The following SPEF2 variants were observed in gnomAD, a reference collection of about 807,000 sequenced individuals.
SPEF2 encodes the protein sperm flagella and cilia-associated protein 2.
A neutral mutation model predicts 224.6 loss-of-function variants in SPEF2; 187 were observed. The observed-to-expected ratio is 0.83, with a 90% CI of 0.74 to 0.94. The LOEUF (loss-of-function observed/expected upper bound fraction) is 0.94, where lower values mean the gene tolerates loss of function less well. Ranked by LOEUF, SPEF2 falls within the 40% of genes least tolerant of loss-of-function variation. The pLI is 0.00. For missense variants in SPEF2, 2,170 were observed against 2,135.6 expected (o/e 1.02, Z -0.32); for synonymous variants, 715 against 707.3 (o/e 1.01, Z -0.17).
At chr5:35,623,963 G>C (rs1743859777) in intron 1 of SPEF2, among the ~76,000 whole-genome samples, 1 of 152,174 alleles carries the variant, frequency 6.6e-6, no homozygotes, top group Non-Finnish European at 1.5e-5. Flanking sequence ...CATTTTTACA[G>C]ATGAGAAACT....
At chr5:35,737,050 C>G (rs188942791) in intron 21 of SPEF2, among the ~76,000 whole-genome samples, 2 of 152,282 alleles carry the variant, frequency 1.3e-5, no homozygotes, top group African/African-American at 2.4e-5. Context: ...ACTGATAAAG[C>G]TACATGTCAT....
At chr5:35,705,592 A>T in intron 17 of SPEF2, 59 bp from the exon 18 acceptor site, 1 of 1,267,802 alleles carries the variant, frequency 7.9e-7, no homozygotes, top group Non-Finnish European at 1.1e-6. Context: ...ATTTATGCTT[A>T]ATGTCATTCT....
At chr5:35,784,936 GGTT>G (rs938240552) in intron 30 of SPEF2, among the ~76,000 whole-genome samples, 20 of 152,168 alleles carry the variant, frequency 1.3e-4, no homozygotes, top group African/African-American at 4.8e-4. Flanking sequence ...GCACCTGAGT[GGTT>G]GGTTGCCTGA....
intron 36 of SPEF2, among the ~76,000 whole-genome samples, chr5:35,810,459 C>T (rs1961426): frequency 0.43 from 65,918 of 151,970 alleles, 15,963 homozygotes; most frequent in African/African-American, 0.66. Context: ...GCGATCCACC[C>T]GCCTCAGCCT....
At chr5:35,774,115 T>C (rs1041513748) in intron 28 of SPEF2, 94 bp downstream of exon 28, 10 of 1,478,050 alleles carry the variant, frequency 6.8e-6, no homozygotes, top group Admixed American at 2.1e-5. Flanking sequence ...CCTCAGACCA[T>C]GTCTATGAGA....
rs1561116716 is a variant in SPEF2, at chr5:35,641,423, C to T, written c.162-8C>T. The T allele has an allele frequency of 1.9e-6, 3 of 1,598,858 alleles. No homozygotes were observed. The highest frequency in any genetic ancestry group is 2.2e-5 in the East Asian group (1 of 44,708). On this transcript the variant is annotated splice_region_variant and splice_polypyrimidine_tract_variant and intron_variant, in intron 2 of 36. Transcript: ENST00000356031. ...ATGTCTAATTATGTAAAATATTTTACTGTCCAGGGTTTCAAGTGCCAAACT... is the reference window on the plus strand; with the variant it reads ...ATGTCTAATTATGTAAAATATTTTATTGTCCAGGGTTTCAAGTGCCAAACT...
chr5:35,644,036 T>G (rs1746988022), intron 3 of SPEF2, among the ~76,000 whole-genome samples: 1 of 151,926 alleles, frequency 6.6e-6, no homozygotes, highest in African/African-American at 2.4e-5. Flanking sequence ...ATGAAATTAT[T>G]TTTGCAAAAA....
At chr5:35,700,138 T>C (rs1738300415) in intron 15 of SPEF2, 2 of 194,304 alleles carry the variant, frequency 1.0e-5, no homozygotes, top group Non-Finnish European at 2.1e-5. Flanking sequence ...ATTGTGAGGC[T>C]TCCCCCACCA....
At chr5:35,628,284 C>T (rs981772408) in intron 1 of SPEF2, among the ~76,000 whole-genome samples, 176 bp from the exon 2 acceptor site, 8 of 152,120 alleles carry the variant, frequency 5.3e-5, no homozygotes, top group African/African-American at 1.7e-4. Context: ...AAAATATCTA[C>T]TGTTAAATGT....
intron 26 of SPEF2, 62 bp from the exon 27 acceptor site, chr5:35,771,547 C>T (rs1455106321): frequency 6.4e-7 from 1 of 1,561,424 alleles, no homozygotes; most frequent in African/African-American, 1.4e-5. Flanking sequence ...ATGACTACAT[C>T]CAAATGGTTG....
At position 35,705,041 on chromosome 5, in the gene SPEF2, C is replaced by A. The variant is rs560946632; in HGVS notation, c.2507+379C>A. 3.0e-4 allele frequency among the ~76,000 whole-genome samples: 46 copies of A among 152,110 alleles called. No homozygotes were observed. In the South Asian group the frequency reaches 9.1e-3, roughly 30 times the overall value. On this transcript the variant is annotated intron_variant, in intron 17 of 36. Coordinates refer to ENST00000356031, the MANE Select transcript of SPEF2 (RefSeq NM_024867.4). ...TCTATTTTGCTAAAATAAAATTATT[C>A]TTCTGGTTGTGTGCAATTTGCCATT...
At position 35,797,897 on chromosome 5, in the gene SPEF2, T is replaced by C. The variant is rs1756906156; in HGVS notation, c.4831-2071T>C. ...ACTTGCACAGATCTGCACCTCCAGGTCCTCCGTAACCTCTTGCCATTTCAG... is the reference window on the plus strand; with the variant it reads ...ACTTGCACAGATCTGCACCTCCAGGCCCTCCGTAACCTCTTGCCATTTCAG... On this transcript the variant is annotated intron_variant, in intron 33 of 36. Coordinates refer to ENST00000356031, the MANE Select transcript of SPEF2 (RefSeq NM_024867.4). 3.3e-5 allele frequency among the ~76,000 whole-genome samples: 5 copies of C among 152,218 alleles called. No individual in the cohort carries two copies. The South Asian group carries it at 1.0e-3, about 32-fold the overall frequency.
chr5:35,660,131 G>T (rs918156541), intron 8 of SPEF2, among the ~76,000 whole-genome samples: 1 of 151,990 alleles, frequency 6.6e-6, no homozygotes, highest in Middle Eastern at 3.4e-3. Context: ...GATTATTTTT[G>T]TCCCAAACTT....
intron 20 of SPEF2, among the ~76,000 whole-genome samples, chr5:35,726,121 T>C (rs914118886): frequency 2.0e-5 from 3 of 152,238 alleles, no homozygotes; most frequent in African/African-American, 7.2e-5. Flanking sequence ...TACATTTTTA[T>C]TCATTCAAAT....
chr5:35,688,198 C>T (rs1046324097), intron 10 of SPEF2, among the ~76,000 whole-genome samples: 8 of 152,154 alleles, frequency 5.3e-5, no homozygotes, highest in Admixed American at 2.0e-4. Context: ...GCACCAGGAA[C>T]TCTGCTCTTC....
chr5:35,638,151 A>G (rs1449738915), intron 2 of SPEF2, among the ~76,000 whole-genome samples: 2 of 152,276 alleles, frequency 1.3e-5, no homozygotes, highest in African/African-American at 2.4e-5. Flanking sequence ...GGCCTGGTGC[A>G]TATTTAGCTT....
rs769859899 is a variant in SPEF2, at chr5:35,771,816, G to A, written c.3949+60G>A. 265 of 1,537,352 alleles carry A rather than the reference G, an allele frequency of 1.7e-4. 1 individual carries two copies. Among genetic ancestry groups the A allele is most frequent in the Non-Finnish European group, 2.2e-4 (248 of 1,148,208 alleles). The stretch of plus-strand genomic sequence containing the variant: ...CCTAAACCTCTCCTTCGTAGAAAAC[G>A]AGCATTTAACTGGACACATTATTAG... On this transcript the variant is annotated intron_variant, in intron 27 of 36. Transcript: ENST00000356031.
chr5:35,670,657 AGCATAGATTC>A, intron 10 of SPEF2: 2 of 985,898 alleles, frequency 2.0e-6, no homozygotes, highest in Non-Finnish European at 2.4e-6. Context: ...TTTTATGAAT[AGCATAGATTC>A]AAACAATCTT....
At chr5:35,646,554 G>GCTGGGTT in intron 4 of SPEF2, 113 bp from the exon 5 acceptor site, 1 of 1,016,398 alleles carries the variant, frequency 9.8e-7, no homozygotes, top group Non-Finnish European at 1.4e-6. Context: ...TTGGCTAATT[G>GCTGGGTT]CTGGGTTCTG....
Sources: gnomAD v4.1 joint callset for allele counts (sites outside exome capture counted in the v4.1 genomes callset) on GRCh38, gnomAD v4.1.1 for gene constraint, MANE v1.5 for transcripts, NCBI Gene and HGNC (gene_info 2026-07-23, HGNC 2026-07-21) for gene names.